The following RALGAPB variants were observed in gnomAD, a reference collection of about 807,000 sequenced individuals.
RALGAPB encodes the protein Ral GTPase activating protein non-catalytic subunit beta.
RALGAPB carries 25 observed loss-of-function variants against 161.1 expected under a neutral mutation model. The ratio of observed to expected loss-of-function variants is 0.16; its 90% CI spans 0.11 to 0.22. The LOEUF (loss-of-function observed/expected upper bound fraction) is 0.22, where lower values mean the gene tolerates loss of function less well. RALGAPB is among the 10% of genes least tolerant of loss of function. The pLI is 1.00. For synonymous variants in RALGAPB, 629 were observed against 626.1 expected (o/e 1.00, Z -0.07); for missense variants, 1,391 against 1,815.2 (o/e 0.77, Z 4.25).
chr20:38,532,704 C>T (rs748840398), intron 14 of RALGAPB, 26 bp from the exon 15 acceptor site: 3 of 1,611,068 alleles, frequency 1.9e-6, no homozygotes, highest in South Asian at 2.2e-5. Context: ...ATGTAATCCT[C>T]ACTTGATTCA....
chr20:38,490,657 C>T (rs1162036264), intron 2 of RALGAPB, among the ~76,000 whole-genome samples: 3 of 149,022 alleles, frequency 2.0e-5, no homozygotes, highest in Non-Finnish European at 4.4e-5. Flanking sequence ...CAGGCATGCA[C>T]CACCATGCCT....
chr20:38,565,504 T>A, intron 25 of RALGAPB, 26 bp downstream of exon 25: 1 of 1,609,290 alleles, frequency 6.2e-7, no homozygotes, highest in South Asian at 1.1e-5. Context: ...CATGGTCCTG[T>A]TTTAGGATCT....
intron 26 of RALGAPB, chr20:38,569,682 TAAGCC>T: frequency 2.0e-6 from 1 of 492,944 alleles, no homozygotes; most frequent in African/African-American, 1.9e-5. Context: ...TTGACAATTT[TAAGCC>T]TTGTCCTAGG....
At chr20:38,508,105 A>G (rs11906486) in intron 5 of RALGAPB, among the ~76,000 whole-genome samples, 3,801 of 151,312 alleles carry the variant, frequency 0.025, 158 homozygotes, top group African/African-American at 0.088. Context: ...TACATATTGT[A>G]TGATTATATA....
intron 1 of RALGAPB, among the ~76,000 whole-genome samples, chr20:38,481,120 C>T (rs1746691159): frequency 6.6e-6 from 1 of 152,238 alleles, no homozygotes; most frequent in South Asian, 2.1e-4. Flanking sequence ...ATGCACAATT[C>T]GTATGCTCTG....
intron 20 of RALGAPB, among the ~76,000 whole-genome samples, chr20:38,549,500 A>T (rs2087286791): frequency 6.6e-6 from 1 of 150,622 alleles, no homozygotes; most frequent in African/African-American, 2.4e-5. Flanking sequence ...AAGTGTTAGG[A>T]TTACAGATGT....
intron 5 of RALGAPB, among the ~76,000 whole-genome samples, chr20:38,501,915 T>C (rs1318798069): frequency 6.6e-5 from 10 of 152,186 alleles, no homozygotes; most frequent in Non-Finnish European, 1.3e-4. Flanking sequence ...AGGCATAAAA[T>C]ATATGTACAT....
chr20:38,562,768 A>C, intron 24 of RALGAPB, 71 bp downstream of exon 24: 1 of 1,462,618 alleles, frequency 6.8e-7, no homozygotes, highest in Non-Finnish European at 9.2e-7. Flanking sequence ...TTCCCCCTTT[A>C]CTGTGATTTA....
chr20:38,562,133 A>G (rs1270822884), intron 23 of RALGAPB, among the ~76,000 whole-genome samples: 1 of 152,234 alleles, frequency 6.6e-6, no homozygotes, highest in East Asian at 1.9e-4. Flanking sequence ...TAGTTAAATA[A>G]TTGCATACCT....
intron 18 of RALGAPB, among the ~76,000 whole-genome samples, chr20:38,545,485 G>A (rs904877601): frequency 1.8e-4 from 27 of 151,966 alleles, no homozygotes; most frequent in African/African-American, 6.5e-4. Context: ...ATATCATCTG[G>A]CCCTTCATAT....
At chr20:38,504,335 G>T (rs771941793) in intron 5 of RALGAPB, among the ~76,000 whole-genome samples, 4 of 152,172 alleles carry the variant, frequency 2.6e-5, no homozygotes, top group Non-Finnish European at 4.4e-5. Context: ...AATGGGGAAA[G>T]GACTCTCTAT....
At chr20:38,526,190 A>T in intron 13 of RALGAPB, 148 bp downstream of exon 13, 1 of 894,954 alleles carries the variant, frequency 1.1e-6, no homozygotes, top group Non-Finnish European at 1.7e-6. Flanking sequence ...TTTTAATGTA[A>T]AAAAATTTAA....
intron 1 of RALGAPB, among the ~76,000 whole-genome samples, chr20:38,477,575 A>G (rs970730048): frequency 2.0e-5 from 3 of 152,194 alleles, no homozygotes; most frequent in East Asian, 1.9e-4. Flanking sequence ...TGCAACAGCA[A>G]TATGAATCAT....
At chr20:38,499,022 G>C (rs1007780387) in intron 4 of RALGAPB, among the ~76,000 whole-genome samples, 1 of 152,160 alleles carries the variant, frequency 6.6e-6, no homozygotes, top group African/African-American at 2.4e-5. Flanking sequence ...GGTATAATTA[G>C]CAGTTGGTAT....
Position 38,558,383 on chromosome 20 carries a change from T to A in RALGAPB, c.3461T>A (p.Leu1154His), listed in dbSNP as rs773747116. 6.2e-7 allele frequency: 1 copy of A among 1,608,430 alleles called. No individual in the cohort carries two copies. The highest frequency in any genetic ancestry group is 2.2e-5 in the East Asian group (1 of 44,784). ...GFFDDIGYLD[L>H]LPCRPFDTVF... is the part of the protein sequence containing the mutation. Reference sequence around the variant, plus strand: ...TTTGATGACATTGGGTATCTGGATCTCTTGCCATGTCGTCCTTTTGACACA... The same window carrying A: ...TTTGATGACATTGGGTATCTGGATCACTTGCCATGTCGTCCTTTTGACACA... Residue 1154 changes from leucine (L) to histidine (H), a missense_variant, in exon 23 of 30, where the codon CTC becomes CAC. Coordinates refer to ENST00000262879, the MANE Select transcript of RALGAPB (RefSeq NM_020336.4).
rs1027970729 is a variant in RALGAPB at position 38,578,459 on chromosome 20, G to C, written c.*3492G>C. 5.2e-5 allele frequency: 8 copies of C among 152,586 alleles called. No homozygotes were observed. The allele number at this position is 152,586 out of a possible 1,614,324, so 9.5% of individuals were successfully genotyped here. On this transcript the variant is annotated 3_prime_UTR_variant, in exon 30 of 30. Transcript: ENST00000262879. ...TATAGTAGGCGCCCAGTAAATACTT[G>C]TTGAAGCAAACCAAGTTTCCCAAGT...
chr20:38,541,406 T>G (rs888035762), intron 18 of RALGAPB, among the ~76,000 whole-genome samples: 2 of 152,186 alleles, frequency 1.3e-5, no homozygotes. Context: ...GGTTGAGAGT[T>G]TGAGTCCTTT....
intron 22 of RALGAPB, 36 bp downstream of exon 22, chr20:38,554,112 A>T (rs748389944): frequency 2.7e-6 from 4 of 1,507,940 alleles, no homozygotes; most frequent in African/African-American, 1.4e-5. Context: ...AAATATATTC[A>T]CAAGTTAACA....
chr20:38,499,247 A>G (rs928460453), intron 4 of RALGAPB, among the ~76,000 whole-genome samples, 200 bp from the exon 5 acceptor site: 1 of 152,094 alleles, frequency 6.6e-6, no homozygotes, highest in Non-Finnish European at 1.5e-5. Context: ...CAAAGTAAAA[A>G]TTTTTTGATG....
Sources: gnomAD v4.1 joint callset for allele counts (sites outside exome capture counted in the v4.1 genomes callset) on GRCh38, gnomAD v4.1.1 for gene constraint, MANE v1.5 for transcripts, NCBI Gene and HGNC (gene_info 2026-07-23, HGNC 2026-07-21) for gene names.